FUT9: variants seen among roughly 807,000 people sequenced by gnomAD.
FUT9 encodes the protein 4-galactosyl-N-acetylglucosaminide 3-alpha-L-fucosyltransferase 9.
A neutral mutation model predicts 29.7 loss-of-function variants in FUT9; 15 were observed. The ratio of observed to expected loss-of-function variants is 0.51; its 90% confidence interval spans 0.34 to 0.78. The LOEUF is 0.78. FUT9 is among the 30% of genes least tolerant of loss of function. The probability of loss-of-function intolerance (pLI) is 0.01; values close to 1 mark genes in which losing one functional copy is unlikely to be tolerated. For synonymous variants in FUT9, 169 were observed against 153.7 expected, an observed-to-expected ratio of 1.10 and a Z score of -0.74; for missense variants, 319 against 425.4, an observed-to-expected ratio of 0.75 and a Z score of 2.20.
chr6:96,054,378 A>G (rs1487743975), intron 1 of FUT9, among the ~76,000 whole-genome samples: 1 of 152,216 alleles, frequency 6.6e-6, no homozygotes, highest in Non-Finnish European at 1.5e-5. Flanking sequence ...GCTAGTGTGT[A>G]ATGTGAAATA....
intron 2 of FUT9, among the ~76,000 whole-genome samples, chr6:96,115,062 G>A (rs1351949907): frequency 2.6e-5 from 4 of 152,162 alleles, no homozygotes; most frequent in African/African-American, 9.7e-5. Flanking sequence ...AATTGCAGGT[G>A]GTGGTGGATA....
At chr6:96,057,905 C>T (rs945458847) in intron 1 of FUT9, among the ~76,000 whole-genome samples, 4 of 152,150 alleles carry the variant, frequency 2.6e-5, no homozygotes, top group Non-Finnish European at 5.9e-5. Flanking sequence ...GTCTCTTAGA[C>T]TCTCACTAAA....
intron 2 of FUT9, among the ~76,000 whole-genome samples, chr6:96,188,352 G>A (rs958603410): frequency 2.0e-5 from 3 of 151,974 alleles, no homozygotes; most frequent in East Asian, 3.9e-4. Flanking sequence ...CTGCAGCCTC[G>A]AACTCCTGGA....
intron 2 of FUT9, among the ~76,000 whole-genome samples, chr6:96,164,253 C>CTT (rs57049980): frequency 0.27 from 28,267 of 105,578 alleles, 5,083 homozygotes; most frequent in East Asian, 0.39. Context: ...GATCCAGGTT[C>CTT]TTTTTTTTTT....
At chr6:96,106,667 A>G (rs1039568595) in intron 1 of FUT9, among the ~76,000 whole-genome samples, 1 of 152,248 alleles carries the variant, frequency 6.6e-6, no homozygotes, top group Non-Finnish European at 1.5e-5. Context: ...AGCAACATGC[A>G]GAACTTAACC....
chr6:96,112,496 C>T (rs1771827839), intron 1 of FUT9, among the ~76,000 whole-genome samples: 1 of 152,110 alleles, frequency 6.6e-6, no homozygotes. Flanking sequence ...GTACTAAATT[C>T]AGTGGAAAAT....
At chr6:96,183,569 G>T (rs1049997715) in intron 2 of FUT9, among the ~76,000 whole-genome samples, 1 of 152,014 alleles carries the variant, frequency 6.6e-6, no homozygotes, top group Non-Finnish European at 1.5e-5. Context: ...GTATTACATT[G>T]GCTGTGGGTT....
chr6:96,201,759 A>G (rs544446700), intron 2 of FUT9, among the ~76,000 whole-genome samples: 2 of 151,322 alleles, frequency 1.3e-5, no homozygotes, highest in South Asian at 4.2e-4. Flanking sequence ...TTTCTTATTG[A>G]CTATAGAACT....
At chr6:96,198,244 T>A (rs1773662653) in intron 2 of FUT9, among the ~76,000 whole-genome samples, 1 of 151,764 alleles carries the variant, frequency 6.6e-6, no homozygotes, top group African/African-American at 2.4e-5. Context: ...ATTAGGTATA[T>A]CTCCCAATGC....
At chr6:96,043,193 A>G (rs1246814198) in intron 1 of FUT9, among the ~76,000 whole-genome samples, 2 of 152,002 alleles carry the variant, frequency 1.3e-5, no homozygotes, top group Non-Finnish European at 1.5e-5. Context: ...CTGGGACTAC[A>G]GGCGCCCACC....
In FUT9 at chr6:96,116,096, G is replaced by A. The variant is rs200500091; in HGVS notation, c.-9+1969G>A. ...ATAATATATAAAAAACTCTTAAAAC[G>A]TAATAAGAAAGTAAATCTAATTTTC... On this transcript the variant is annotated intron_variant, in intron 2 of 2. Coordinates refer to ENST00000302103, the MANE Select transcript of FUT9 (RefSeq NM_006581.4). Among the ~76,000 whole-genome samples, 17 of 152,138 alleles carry A rather than the reference G, an allele frequency of 1.1e-4. No homozygotes were observed. The East Asian group carries it at 1.2e-3, about 10-fold the overall frequency.
At chr6:96,057,578 T>TA (rs1325010027) in intron 1 of FUT9, among the ~76,000 whole-genome samples, 1 of 152,208 alleles carries the variant, frequency 6.6e-6, no homozygotes, top group Non-Finnish European at 1.5e-5. Context: ...TTATTTTTTT[T>TA]AAAGTTCTAA....
At position 96,212,412 on chromosome 6, in the gene FUT9, C is replaced by T. The variant is rs1773955616; in HGVS notation, c.*8177C>T. On this transcript the variant is annotated 3_prime_UTR_variant, in exon 3 of 3. Transcript: ENST00000302103. The stretch of plus-strand genomic sequence containing the variant: ...AAGATTATCTGATTGTCTATGTAAA[C>T]CTGGAAGTAGTCTACTTTTTAGATA... 1 of 411,822 alleles carries T rather than the reference C, an allele frequency of 2.4e-6. No homozygotes were observed. Among genetic ancestry groups the T allele is most frequent in the African/African-American group, 2.1e-5 (1 of 48,474 alleles). The allele number at this position is 411,822 out of a possible 1,614,324, so 25.5% of individuals were successfully genotyped here.
intron 1 of FUT9, among the ~76,000 whole-genome samples, chr6:96,025,923 A>G (rs1770159197): frequency 6.6e-6 from 1 of 151,726 alleles, no homozygotes; most frequent in Admixed American, 6.6e-5. Flanking sequence ...TAGCAAAAAT[A>G]TCAACATTTT....
intron 1 of FUT9, among the ~76,000 whole-genome samples, chr6:96,041,020 T>C (rs1770450589): frequency 6.6e-6 from 1 of 152,084 alleles, no homozygotes; most frequent in Non-Finnish European, 1.5e-5. Flanking sequence ...TTCCTCATCA[T>C]CAGCTGCCCC....
intron 1 of FUT9, among the ~76,000 whole-genome samples, chr6:96,086,350 C>A (rs1453572761): frequency 6.6e-6 from 1 of 152,078 alleles, no homozygotes; most frequent in Non-Finnish European, 1.5e-5. Flanking sequence ...GTTTATTTTT[C>A]CTGCTTATCA....
intron 2 of FUT9, among the ~76,000 whole-genome samples, chr6:96,145,184 A>T (rs1772543156): frequency 1.3e-5 from 2 of 152,220 alleles, no homozygotes; most frequent in South Asian, 4.1e-4. Context: ...TAGCCTCCTG[A>T]GTAGCTGGGA....
intron 1 of FUT9, among the ~76,000 whole-genome samples, chr6:96,029,344 G>T (rs1408774): frequency 0.79 from 119,879 of 151,364 alleles, 47,660 homozygotes; most frequent in Admixed American, 0.85. Context: ...CACTAGGTAC[G>T]TATGAGAAAT....
At chr6:96,166,923 T>C (rs1407681976) in intron 2 of FUT9, among the ~76,000 whole-genome samples, 1 of 152,164 alleles carries the variant, frequency 6.6e-6, no homozygotes, top group Non-Finnish European at 1.5e-5. Context: ...ATTTAGGGAA[T>C]AATGATAAGG....
Sources: gnomAD v4.1 joint callset for allele counts (sites outside exome capture counted in the v4.1 genomes callset) on GRCh38, gnomAD v4.1.1 for gene constraint, MANE v1.5 for transcripts, NCBI Gene and HGNC (gene_info 2026-07-23, HGNC 2026-07-21) for gene names.